Variants in PCSK2 observed in about 807,000 individuals in gnomAD.
PCSK2 encodes neuroendocrine convertase 2.
In PCSK2, 14 loss-of-function variants were observed where a neutral mutation model predicts 69.7. That is an observed-to-expected ratio of 0.20 (90% CI 0.13 to 0.31). The LOEUF is 0.31. Ranked by LOEUF, PCSK2 falls within the 10% of genes least tolerant of loss-of-function variation. The pLI is 1.00. For synonymous variants in PCSK2, 307 were observed against 320.7 expected (o/e 0.96, Z 0.46); for missense variants, 544 against 842.5 (o/e 0.65, Z 4.39).
chr20:17,390,125 G>C (rs1331685002), intron 5 of PCSK2, among the ~76,000 whole-genome samples: 3 of 152,196 alleles, frequency 2.0e-5, no homozygotes, highest in African/African-American at 7.2e-5. Flanking sequence ...TCCAAATGTT[G>C]TTAGCTACCA....
chr20:17,433,812 T>TCTCTCTCTCCCCC (rs774361715), intron 7 of PCSK2, among the ~76,000 whole-genome samples: 18 of 104,162 alleles, frequency 1.7e-4, no homozygotes, highest in African/African-American at 5.8e-4. Flanking sequence ...TCTCTCTCTC[T>TCTCTCTCTCCCCC]CCCCCCACTT....
chr20:17,423,589 A>C (rs1035381742), intron 6 of PCSK2, among the ~76,000 whole-genome samples: 1 of 152,184 alleles, frequency 6.6e-6, no homozygotes, highest in African/African-American at 2.4e-5. Context: ...ACTAAACCAC[A>C]TGGAAAAATA....
At chr20:17,385,638 G>A (rs372288475) in intron 5 of PCSK2, among the ~76,000 whole-genome samples, 1 of 152,164 alleles carries the variant, frequency 6.6e-6, no homozygotes, top group East Asian at 1.9e-4. Flanking sequence ...TTCATTTACT[G>A]TCTTAGCTGG....
chr20:17,294,412 C>A lies in PCSK2; in HGVS notation c.282+34068C>A, dbSNP rs546955502. ...TGAGCCGCCGCGCCCGGCCTGCAGT[C>A]CTCATTTTAAGGCCTGCGTATTTTA... On this transcript the variant is annotated intron_variant, in intron 2 of 11. Coordinates refer to ENST00000262545, the MANE Select transcript of PCSK2 (RefSeq NM_002594.5). Among the ~76,000 whole-genome samples, 20 of 152,266 alleles carry A rather than the reference C, an allele frequency of 1.3e-4. No individual in the cohort carries two copies. The South Asian group carries it at 3.9e-3, about 30-fold the overall frequency.
chr20:17,396,986 C>A (rs1233543879), intron 5 of PCSK2, among the ~76,000 whole-genome samples: 1 of 152,070 alleles, frequency 6.6e-6, no homozygotes, highest in African/African-American at 2.4e-5. Context: ...GTCATGAATT[C>A]GAATCTGCTT....
chr20:17,454,093 C>A, intron 9 of PCSK2, 136 bp downstream of exon 9: 1 of 1,253,824 alleles, frequency 8.0e-7, no homozygotes, highest in Non-Finnish European at 1.1e-6. Flanking sequence ...AGGGAAGACC[C>A]CTTTTCTCTA....
chr20:17,388,061 C>A lies in PCSK2; in HGVS notation c.543+18784C>A, dbSNP rs146229019. On this transcript the variant is annotated intron_variant, in intron 5 of 11. Coordinates refer to ENST00000262545, the MANE Select transcript of PCSK2 (RefSeq NM_002594.5). ...GCAGAAGGAACAGCTTGTGCAAAGA[C>A]CCTGAGGCAGGAACATGCTCAGCCC... Among the ~76,000 whole-genome samples, 692 of 152,180 alleles carry A rather than the reference C, an allele frequency of 4.5e-3. 6 individuals carry two copies. The highest frequency in any genetic ancestry group is 0.016 in the African/African-American group (648 of 41,510).
intron 2 of PCSK2, among the ~76,000 whole-genome samples, chr20:17,323,481 A>G (rs1989941196): frequency 6.6e-6 from 1 of 152,214 alleles, no homozygotes; most frequent in African/African-American, 2.4e-5. Flanking sequence ...TAATCGGTTC[A>G]CAGTCATCTT....
rs56376793 is a variant in PCSK2 at position 17,421,807 on chromosome 20, T to TAAAAAAAAAA, written c.621-7606_621-7597dup. Among the ~76,000 whole-genome samples the TAAAAAAAAAA allele has an allele frequency of 3.3e-4, 26 of 78,966 alleles. 1 individual carries two copies. The highest frequency in any genetic ancestry group is 4.1e-4 in the Non-Finnish European group (18 of 43,858). The allele number at this position is 78,966 out of a possible 152,430, so 51.8% of individuals were successfully genotyped here. Reference sequence around the variant, plus strand: ...CCAGTAGCCAGGAAAGGAAGAGAGGTAAAAAAAAAAAAAAAAAAAAAAAAA... The same window carrying TAAAAAAAAAA: ...CCAGTAGCCAGGAAAGGAAGAGAGGTAAAAAAAAAAAAAAAAAAAAAAAAAAAAAAAAAAA... On this transcript the variant is annotated intron_variant, in intron 6 of 11. Transcript: ENST00000262545.
At chr20:17,324,732 G>A (rs1227097849) in intron 2 of PCSK2, among the ~76,000 whole-genome samples, 1 of 152,166 alleles carries the variant, frequency 6.6e-6, no homozygotes, top group Non-Finnish European at 1.5e-5. Context: ...CTTACAGCCT[G>A]AGAAGGAGCT....
intron 5 of PCSK2, among the ~76,000 whole-genome samples, chr20:17,370,295 G>A (rs1036777767): frequency 9.9e-5 from 15 of 152,160 alleles, no homozygotes; most frequent in Admixed American, 3.3e-4. Flanking sequence ...GTGTTTGGAG[G>A]TCACCAGTCT....
chr20:17,303,154 G>T (rs913065943), intron 2 of PCSK2, among the ~76,000 whole-genome samples: 1 of 145,954 alleles, frequency 6.9e-6, no homozygotes, highest in African/African-American at 2.5e-5. Context: ...GATGGGTATA[G>T]CTCAGTGATT....
At chr20:17,268,111 G>GTATGCT (rs1987705508) in intron 2 of PCSK2, among the ~76,000 whole-genome samples, 1 of 146,764 alleles carries the variant, frequency 6.8e-6, no homozygotes, top group Admixed American at 7.0e-5. Flanking sequence ...GATTATATGT[G>GTATGCT]TATGCTTATT....
At chr20:17,363,602 C>A (rs2030479980) in intron 4 of PCSK2, among the ~76,000 whole-genome samples, 1 of 152,134 alleles carries the variant, frequency 6.6e-6, no homozygotes, top group South Asian at 2.1e-4. Context: ...TAATTCAGGG[C>A]AGATGGCTGG....
intron 1 of PCSK2, among the ~76,000 whole-genome samples, chr20:17,252,786 C>T (rs1296849010): frequency 2.0e-5 from 3 of 152,084 alleles, no homozygotes; most frequent in African/African-American, 4.8e-5. Context: ...CAGTGCCTGG[C>T]TTATGACAAG....
At chr20:17,324,196 A>G (rs934605155) in intron 2 of PCSK2, among the ~76,000 whole-genome samples, 2 of 152,124 alleles carry the variant, frequency 1.3e-5, no homozygotes, top group African/African-American at 2.4e-5. Flanking sequence ...ATTGCCTCCT[A>G]GATAAACTAT....
chr20:17,329,537 C>T (rs1277863127), intron 2 of PCSK2, among the ~76,000 whole-genome samples: 2 of 152,172 alleles, frequency 1.3e-5, no homozygotes, highest in African/African-American at 4.8e-5. Context: ...AATATTTAAA[C>T]TGAAAGACTT....
chr20:17,252,665 C>G (rs1325957672), intron 1 of PCSK2, among the ~76,000 whole-genome samples: 1 of 152,192 alleles, frequency 6.6e-6, no homozygotes, highest in Non-Finnish European at 1.5e-5. Flanking sequence ...CACTCCACCA[C>G]AGAGTACTGT....
intron 9 of PCSK2, among the ~76,000 whole-genome samples, chr20:17,455,305 TACAG>T (rs1451770749): frequency 3.3e-5 from 5 of 152,208 alleles, no homozygotes; most frequent in Non-Finnish European, 7.3e-5. Flanking sequence ...TTGAGGATCC[TACAG>T]ACAGAGGAAG....
Sources: gnomAD v4.1 joint callset for allele counts (sites outside exome capture counted in the v4.1 genomes callset) on GRCh38, gnomAD v4.1.1 for gene constraint, MANE v1.5 for transcripts, NCBI Gene and HGNC (gene_info 2026-07-23, HGNC 2026-07-21) for gene names.